SORCS3: variants seen among roughly 807,000 people sequenced by gnomAD.
SORCS3 encodes VPS10 domain-containing receptor SorCS3.
SORCS3 carries 57 observed loss-of-function variants against 146.3 expected under a neutral mutation model. The observed-to-expected ratio is 0.39, with a 90% CI of 0.31 to 0.49. The LOEUF (loss-of-function observed/expected upper bound fraction) is 0.49. Among genes scored for constraint, SORCS3 ranks in the 20% least tolerant of loss-of-function variants. The probability of loss-of-function intolerance (pLI) is 0.92; values close to 1 mark genes in which losing one functional copy is unlikely to be tolerated. For synonymous variants in SORCS3, 653 were observed against 618.5 expected, an observed-to-expected ratio of 1.06 and a Z score of -0.83; for missense variants, 1,341 against 1,575.5, an observed-to-expected ratio of 0.85 and a Z score of 2.52.
intron 1 of SORCS3, among the ~76,000 whole-genome samples, chr10:104,678,338 T>C (rs1242017369): frequency 1.1e-4 from 17 of 152,168 alleles, no homozygotes; most frequent in Admixed American, 1.1e-3. Flanking sequence ...TGCGTTCCTA[T>C]GTGTAAGCAC....
At chr10:104,957,913 C>T (rs551178103) in intron 3 of SORCS3, among the ~76,000 whole-genome samples, 2 of 152,148 alleles carry the variant, frequency 1.3e-5, no homozygotes, top group East Asian at 3.9e-4. Context: ...CTAAAAAACC[C>T]AAACGCCTAT....
intron 4 of SORCS3, among the ~76,000 whole-genome samples, chr10:105,030,728 G>A (rs1001738002): frequency 6.6e-6 from 1 of 152,068 alleles, no homozygotes; most frequent in African/African-American, 2.4e-5. Context: ...ACGTAGCTGG[G>A]ATTACAGGCA....
intron 1 of SORCS3, among the ~76,000 whole-genome samples, chr10:104,791,539 G>A (rs1482080644): frequency 2.6e-5 from 4 of 152,214 alleles, no homozygotes; most frequent in Non-Finnish European, 4.4e-5. Context: ...CAGCCCAGTG[G>A]TGATGAGTGG....
In SORCS3 at chr10:104,745,514, A is replaced by G. The variant is rs1158871040; in HGVS notation, c.628-97278A>G. Among the ~76,000 whole-genome samples the G allele has an allele frequency of 3.9e-5, 6 of 152,238 alleles. No individual in the cohort carries two copies. The South Asian group carries it at 8.3e-4, about 21-fold the overall frequency. On this transcript the variant is annotated intron_variant, in intron 1 of 26. Transcript: ENST00000369701. Reference sequence around the variant, plus strand: ...TGAAACCATCACCATAATCTATGCTATAAACCTATCCAGCACCTCCGAGAG... The same window carrying G: ...TGAAACCATCACCATAATCTATGCTGTAAACCTATCCAGCACCTCCGAGAG...
intron 1 of SORCS3, among the ~76,000 whole-genome samples, chr10:104,757,864 C>T (rs868306666): frequency 1.3e-4 from 8 of 59,596 alleles, no homozygotes; most frequent in East Asian, 3.3e-3. Flanking sequence ...ACCACCCCCC[C>T]CCCCACACCC....
intron 4 of SORCS3, among the ~76,000 whole-genome samples, chr10:105,012,391 G>T: frequency 6.6e-6 from 1 of 152,178 alleles, no homozygotes; most frequent in East Asian, 1.9e-4. Flanking sequence ...TTTGACATTG[G>T]ATGGTTTGTC....
chr10:105,004,832 G>A (rs1208599644), intron 4 of SORCS3, among the ~76,000 whole-genome samples: 2 of 151,422 alleles, frequency 1.3e-5, no homozygotes, highest in South Asian at 4.2e-4. Flanking sequence ...GGCGGGGGGA[G>A]TGCATCGAGA....
intron 5 of SORCS3, among the ~76,000 whole-genome samples, chr10:105,083,773 C>T (rs1589624000): frequency 6.6e-6 from 1 of 152,218 alleles, no homozygotes; most frequent in East Asian, 1.9e-4. Context: ...AGTCTAGAAC[C>T]AAAATTTTCT....
At chr10:105,249,545 C>G (rs2056886930) in intron 22 of SORCS3, among the ~76,000 whole-genome samples, 1 of 152,080 alleles carries the variant, frequency 6.6e-6, no homozygotes, top group Non-Finnish European at 1.5e-5. Context: ...GTAAGAGTAA[C>G]TACACTTCAA....
chr10:105,233,376 T>C (rs1487915750), intron 20 of SORCS3, among the ~76,000 whole-genome samples: 3 of 152,196 alleles, frequency 2.0e-5, no homozygotes, highest in Non-Finnish European at 2.9e-5. Flanking sequence ...CAAATTTTTT[T>C]TCTGTTAAGT....
At chr10:104,856,630 A>G in intron 2 of SORCS3, among the ~76,000 whole-genome samples, 1 of 146,320 alleles carries the variant, frequency 6.8e-6, no homozygotes, top group Admixed American at 6.9e-5. Context: ...TTATAAATAT[A>G]AACAATTAGA....
intron 5 of SORCS3, among the ~76,000 whole-genome samples, chr10:105,057,845 C>G (rs1048623383): frequency 2.6e-5 from 4 of 152,168 alleles, no homozygotes; most frequent in Non-Finnish European, 5.9e-5. Context: ...TCTACCATTT[C>G]AATCCTCATT....
intron 4 of SORCS3, among the ~76,000 whole-genome samples, chr10:105,038,127 G>T (rs184932878): frequency 8.0e-4 from 122 of 152,318 alleles, no homozygotes; most frequent in Admixed American, 1.6e-3. Context: ...GAAAGGAGAG[G>T]ATCTCGATTG....
At position 104,866,075 on chromosome 10, in the gene SORCS3, G is replaced by A. The variant is rs565233795; in HGVS notation, c.695+23216G>A. 6.6e-5 allele frequency among the ~76,000 whole-genome samples: 10 copies of A among 152,272 alleles called. No individual in the cohort carries two copies. The East Asian group carries it at 1.7e-3, about 26-fold the overall frequency. On this transcript the variant is annotated intron_variant, in intron 2 of 26. Transcript: ENST00000369701. ...CAGAGCTGAAAAGTGAACCAAAGAC[G>A]AAAAAGGTCTGAGAGAGAGAAGGGG...
chr10:104,818,943 A>G (rs143832069), intron 1 of SORCS3, among the ~76,000 whole-genome samples: 1 of 152,210 alleles, frequency 6.6e-6, no homozygotes, highest in East Asian at 1.9e-4. Context: ...TTGCCTTATG[A>G]TAAAAACAAA....
At chr10:104,645,440 C>T (rs972008464) in intron 1 of SORCS3, among the ~76,000 whole-genome samples, 12 of 152,160 alleles carry the variant, frequency 7.9e-5, no homozygotes, top group African/African-American at 2.9e-4. Context: ...TTCTCCACAC[C>T]CCCTCCTTCT....
intron 16 of SORCS3, among the ~76,000 whole-genome samples, chr10:105,209,702 A>G (rs929993223): frequency 1.3e-5 from 2 of 152,176 alleles, no homozygotes; most frequent in Non-Finnish European, 2.9e-5. Context: ...CAAACATAGA[A>G]AAAAGTGGAA....
intron 7 of SORCS3, among the ~76,000 whole-genome samples, chr10:105,137,566 A>AG (rs1455217787): frequency 1.3e-5 from 2 of 152,134 alleles, no homozygotes; most frequent in Non-Finnish European, 2.9e-5. Flanking sequence ...TCTGAGAGGC[A>AG]GGGGGTCAGG....
intron 2 of SORCS3, among the ~76,000 whole-genome samples, chr10:104,909,841 C>T (rs2018948124): frequency 6.6e-6 from 1 of 151,130 alleles, no homozygotes; most frequent in Non-Finnish European, 1.5e-5. Context: ...ACCAGCCTCT[C>T]CCCGAGAAGA....
Sources: gnomAD v4.1 joint callset for allele counts (sites outside exome capture counted in the v4.1 genomes callset) on GRCh38, gnomAD v4.1.1 for gene constraint, MANE v1.5 for transcripts, NCBI Gene and HGNC (gene_info 2026-07-23, HGNC 2026-07-21) for gene names.